The following GABRP variants were observed in gnomAD, a reference collection of about 807,000 sequenced individuals.
GABRP encodes gamma-aminobutyric acid type A receptor subunit pi.
Under a neutral mutation model 47.8 loss-of-function variants are expected in GABRP, and 52 were observed. The observed-to-expected ratio is 1.09, with a 90% CI of 0.87 to 1.37. The LOEUF is 1.37. Among genes scored for constraint, GABRP ranks in the 40% most tolerant of loss-of-function variants. The pLI, the probability that GABRP is intolerant of heterozygous loss-of-function variation, is 0.00. For synonymous variants in GABRP, 221 were observed against 205.8 expected (o/e 1.07, Z -0.63); for missense variants, 525 against 542.8 (o/e 0.97, Z 0.33).
intron 6 of GABRP, among the ~76,000 whole-genome samples, chr5:170,801,246 G>A (rs562431009): frequency 6.6e-6 from 1 of 152,310 alleles, no homozygotes; most frequent in African/African-American, 2.4e-5. Context: ...GAGTCACATA[G>A]GGAGTTTGTT....
chr5:170,811,982 C>T lies in GABRP; in HGVS notation c.1047C>T (p.Val349=). ...GGACAACAAAGGAAGTAGAAGAAGT[C>T]AGTATTACTAATATCATCAACAGCT... is the stretch of plus-strand genomic sequence containing the variant. The part of the protein sequence containing the change: ...DRGTTKEVEE[V]SITNIINSSI... The change falls in exon 10 of 10, where the codon GTC becomes GTT. Residue 349 remains valine, a synonymous_variant. Coordinates refer to ENST00000265294, the MANE Select transcript of GABRP (RefSeq NM_014211.3). 1.9e-6 allele frequency: 3 copies of T among 1,614,006 alleles called. No homozygotes were observed. The highest frequency in any genetic ancestry group is 3.3e-4 in the Middle Eastern group (2 of 6,058).
intron 9 of GABRP, 199 bp downstream of exon 9, chr5:170,809,954 A>T: frequency 1.4e-6 from 1 of 701,728 alleles, no homozygotes; most frequent in South Asian, 1.5e-5. Flanking sequence ...ACCAAATACA[A>T]TGAGATATTA....
chr5:170,794,344 G>T (rs756232935), intron 4 of GABRP, 46 bp downstream of exon 4: 9 of 1,000,062 alleles, frequency 9.0e-6, no homozygotes, highest in Non-Finnish European at 1.3e-5. Context: ...CCCTCTCTGT[G>T]TGTTTAAAGG....
chr5:170,794,455 C>A (rs1417447382), intron 4 of GABRP, 157 bp downstream of exon 4: 1 of 446,420 alleles, frequency 2.2e-6, no homozygotes, highest in Admixed American at 3.8e-5. Context: ...TATCTCCAAA[C>A]TCAAGACAGT....
At chr5:170,786,889 G>A (rs1765142732) in intron 1 of GABRP, among the ~76,000 whole-genome samples, 1 of 152,152 alleles carries the variant, frequency 6.6e-6, no homozygotes, top group African/African-American at 2.4e-5. Flanking sequence ...ATATATGTAT[G>A]TAAATATATA....
chr5:170,792,991 G>A (rs1442130036), intron 3 of GABRP, among the ~76,000 whole-genome samples: 1 of 152,126 alleles, frequency 6.6e-6, no homozygotes, highest in Admixed American at 6.5e-5. Flanking sequence ...GGAAGAGAGG[G>A]GGAAGGGAAG....
In GABRP at chr5:170,806,109, G is replaced by A. The variant is rs888599503; in HGVS notation, c.679+256G>A. Among the ~76,000 whole-genome samples the A allele has an allele frequency of 3.9e-5, 6 of 152,058 alleles. No individual in the cohort carries two copies. The East Asian group carries it at 9.6e-4, about 24-fold the overall frequency. On this transcript the variant is annotated intron_variant, in intron 7 of 9. Transcript: ENST00000265294. ...ACTTGCTAATGAGTGCTCAAATTCC[G>A]TGCCTCCATCATGCATAAAATTTAT...
chr5:170,791,362 C>T (rs761015791), intron 3 of GABRP, among the ~76,000 whole-genome samples: 9 of 152,226 alleles, frequency 5.9e-5, no homozygotes, highest in East Asian at 1.9e-4. Context: ...TGGAGGCCCA[C>T]GGAGGGCCAT....
chr5:170,802,573 C>T (rs1415681929), intron 6 of GABRP, among the ~76,000 whole-genome samples: 7 of 152,186 alleles, frequency 4.6e-5, no homozygotes. Context: ...CATTTTCAGT[C>T]CCACATGGAA....
chr5:170,805,903 T>C (rs1311051716), intron 7 of GABRP, 50 bp downstream of exon 7: 4 of 1,593,534 alleles, frequency 2.5e-6, no homozygotes, highest in Non-Finnish European at 3.4e-6. Context: ...AACTGAGGTG[T>C]AGGGTTGCTC....
At chr5:170,811,197 A>G (rs573214325) in intron 9 of GABRP, among the ~76,000 whole-genome samples, 2 of 147,250 alleles carry the variant, frequency 1.4e-5, no homozygotes, top group South Asian at 4.5e-4. Flanking sequence ...TCTCAAGGGT[A>G]AAATTGGGAT....
At chr5:170,794,149 A>T in intron 3 of GABRP, 82 bp from the exon 4 acceptor site, 2 of 827,304 alleles carry the variant, frequency 2.4e-6, no homozygotes, top group Non-Finnish European at 1.8e-6. Flanking sequence ...TTGTAATTTT[A>T]ATCTTTTTTA....
intron 1 of GABRP, among the ~76,000 whole-genome samples, chr5:170,785,308 G>A (rs1355539592): frequency 6.6e-6 from 1 of 152,186 alleles, no homozygotes; most frequent in Non-Finnish European, 1.5e-5. Context: ...TTGGAAAACA[G>A]ATTTAAATCA....
intron 6 of GABRP, 70 bp from the exon 7 acceptor site, chr5:170,805,646 C>T: frequency 1.3e-6 from 2 of 1,539,394 alleles, no homozygotes; most frequent in East Asian, 4.5e-5. Flanking sequence ...CATATTATAG[C>T]ATTTTCCAGA....
chr5:170,800,213 A>T (rs34943873), intron 6 of GABRP, among the ~76,000 whole-genome samples: 17,206 of 152,242 alleles, frequency 0.11, 2,468 homozygotes, highest in African/African-American at 0.34. Context: ...CTGATCTTTG[A>T]CAAACCTGGC....
Position 170,813,250 on chromosome 5 carries a change from C to A in GABRP, c.*992C>A, listed in dbSNP as rs1765939802. 6.6e-6 allele frequency: 1 copy of A among 152,226 alleles called. No homozygotes were observed. Among genetic ancestry groups the A allele is most frequent in the South Asian group, 2.1e-4 (1 of 4,826 alleles). The allele number at this position is 152,226 out of a possible 1,614,324, so 9.4% of individuals were successfully genotyped here. ...TGCTACTCTAACACTGAGCAACACT[C>A]TCCCAGTGGCAGATCCCCTGTATCA... On this transcript the variant is annotated 3_prime_UTR_variant, in exon 10 of 10. Transcript: ENST00000265294.
chr5:170,794,193 G>T (rs1765358487), intron 3 of GABRP, 38 bp from the exon 4 acceptor site: 1 of 1,440,680 alleles, frequency 6.9e-7, no homozygotes, highest in African/African-American at 1.4e-5. Context: ...ACAGCTCATG[G>T]TTGTGTTTCC....
chr5:170,788,531 C>G (rs1332172534), intron 1 of GABRP, 43 bp from the exon 2 acceptor site: 16 of 1,350,404 alleles, frequency 1.2e-5, no homozygotes, highest in Admixed American at 1.7e-5. Context: ...AGCAGGTGAG[C>G]CTGTTGCACG....
intron 7 of GABRP, among the ~76,000 whole-genome samples, chr5:170,806,289 T>C (rs1378675950): frequency 6.6e-6 from 1 of 152,250 alleles, no homozygotes; most frequent in Non-Finnish European, 1.5e-5. Flanking sequence ...TCATTTCATT[T>C]ACCAGAAATG....
Sources: gnomAD v4.1 joint callset for allele counts (sites outside exome capture counted in the v4.1 genomes callset) on GRCh38, gnomAD v4.1.1 for gene constraint, MANE v1.5 for transcripts, NCBI Gene and HGNC (gene_info 2026-07-23, HGNC 2026-07-21) for gene names.